The following ARHGAP28 variants were observed in gnomAD, a reference collection of about 807,000 sequenced individuals.
The protein encoded by ARHGAP28 is rho GTPase-activating protein 28.
A neutral mutation model predicts 90.7 loss-of-function variants in ARHGAP28; 56 were observed. That is an observed-to-expected ratio of 0.62 (90% CI 0.50 to 0.77). The LOEUF (loss-of-function observed/expected upper bound fraction) is 0.77. Among genes scored for constraint, ARHGAP28 ranks in the 30% least tolerant of loss-of-function variants. The pLI is 0.00. For synonymous variants in ARHGAP28, 308 were observed against 323.3 expected, an observed-to-expected ratio of 0.95 and a Z score of 0.51; for missense variants, 869 against 900.9, an observed-to-expected ratio of 0.96 and a Z score of 0.45.
intron 5 of ARHGAP28, 50 bp downstream of exon 5, chr18:6,859,947 C>A: frequency 1.4e-6 from 2 of 1,469,458 alleles, no homozygotes; most frequent in Non-Finnish European, 1.9e-6. Context: ...AGTTGCAAGT[C>A]AAAGCAACTA....
chr18:6,867,760 A>G (rs1454196466), intron 5 of ARHGAP28, among the ~76,000 whole-genome samples: 1 of 152,260 alleles, frequency 6.6e-6, no homozygotes, highest in Non-Finnish European at 1.5e-5. Flanking sequence ...ATTAATTAAC[A>G]AATGATATTA....
At chr18:6,804,349 A>G (rs548011235) in intron 1 of ARHGAP28, among the ~76,000 whole-genome samples, 1 of 152,292 alleles carries the variant, frequency 6.6e-6, no homozygotes, top group South Asian at 2.1e-4. Context: ...CCATCTGGAT[A>G]AAGGTTTATT....
intron 17 of ARHGAP28, among the ~76,000 whole-genome samples, chr18:6,910,769 A>G (rs2057392116): frequency 6.6e-6 from 1 of 152,028 alleles, no homozygotes; most frequent in Non-Finnish European, 1.5e-5. Flanking sequence ...CATTATTAAT[A>G]TGTGGTAAGT....
intron 2 of ARHGAP28, among the ~76,000 whole-genome samples, chr18:6,833,292 A>G (rs1431219611): frequency 2.0e-5 from 3 of 152,046 alleles, no homozygotes; most frequent in African/African-American, 7.2e-5. Context: ...TACTATTAAA[A>G]TTAATAATTA....
At chr18:6,864,079 T>G (rs1180612037) in intron 5 of ARHGAP28, among the ~76,000 whole-genome samples, 1 of 152,064 alleles carries the variant, frequency 6.6e-6, no homozygotes, top group Non-Finnish European at 1.5e-5. Flanking sequence ...TTTTATTTTA[T>G]TTTTGAGACG....
chr18:6,865,167 T>C (rs1272979981), intron 5 of ARHGAP28, among the ~76,000 whole-genome samples: 2 of 152,228 alleles, frequency 1.3e-5, no homozygotes, highest in African/African-American at 4.8e-5. Context: ...ATTTTAGTCA[T>C]TTGCATTAAA....
At chr18:6,888,888 A>G (rs910945427) in intron 12 of ARHGAP28, among the ~76,000 whole-genome samples, 1 of 152,200 alleles carries the variant, frequency 6.6e-6, no homozygotes, top group African/African-American at 2.4e-5. Context: ...TTAGAGGTCA[A>G]GAACTCTAGC....
chr18:6,789,814 CTTTTGTTTG>C (rs1235976957), intron 1 of ARHGAP28: 1 of 149,790 alleles, frequency 6.7e-6, no homozygotes, highest in African/African-American at 2.5e-5. Flanking sequence ...CAAATTGTTT[CTTTTGTTTG>C]TTTGTTTTTT....
At chr18:6,880,549 G>A (rs368200480) in intron 10 of ARHGAP28, among the ~76,000 whole-genome samples, 16 of 152,294 alleles carry the variant, frequency 1.1e-4, no homozygotes, top group East Asian at 3.9e-4. Flanking sequence ...TGCCTACAGC[G>A]TGAAGGCTAG....
At chr18:6,888,312 G>T (rs1330608942) in intron 12 of ARHGAP28, among the ~76,000 whole-genome samples, 1 of 152,146 alleles carries the variant, frequency 6.6e-6, no homozygotes, top group Non-Finnish European at 1.5e-5. Context: ...AGTACAACAG[G>T]TATTTGGAAT....
At chr18:6,905,040 G>A (rs1182378366) in intron 16 of ARHGAP28, among the ~76,000 whole-genome samples, 1 of 151,666 alleles carries the variant, frequency 6.6e-6, no homozygotes, top group South Asian at 2.1e-4. Flanking sequence ...ATAGAAGAAG[G>A]AGGAATGCTC....
At chr18:6,868,386 C>T in intron 6 of ARHGAP28, 152 bp downstream of exon 6, 1 of 645,838 alleles carries the variant, frequency 1.5e-6, no homozygotes, top group Non-Finnish European at 2.7e-6. Context: ...ACTCCTTCCA[C>T]CCAACTCCAA....
chr18:6,775,719 T>A (rs1406239657), intron 1 of ARHGAP28, among the ~76,000 whole-genome samples: 3 of 152,230 alleles, frequency 2.0e-5, no homozygotes, highest in African/African-American at 7.2e-5. Flanking sequence ...ATACTGAATT[T>A]GCATTATATT....
chr18:6,841,536 T>C (rs1473319410), intron 3 of ARHGAP28, among the ~76,000 whole-genome samples: 1 of 151,800 alleles, frequency 6.6e-6, no homozygotes, highest in East Asian at 1.9e-4. Flanking sequence ...CTTATATTTA[T>C]CTATAAATTC....
chr18:6,777,213 A>G (rs890337385), intron 1 of ARHGAP28, among the ~76,000 whole-genome samples: 16 of 152,186 alleles, frequency 1.1e-4, no homozygotes, highest in Non-Finnish European at 7.3e-5. Context: ...TTTGAGAGAT[A>G]TGTTTAAGGG....
At chr18:6,827,726 A>T (rs1294372133) in intron 2 of ARHGAP28, among the ~76,000 whole-genome samples, 1 of 150,060 alleles carries the variant, frequency 6.7e-6, no homozygotes, top group African/African-American at 2.5e-5. Flanking sequence ...TGCCGGGTGG[A>T]GGGGCTCCTC....
At position 6,747,662 on chromosome 18, in the gene ARHGAP28, G is replaced by T. The variant is rs551980717; in HGVS notation, c.122+17719G>T. Among the ~76,000 whole-genome samples, 3 of 152,310 alleles carry T rather than the reference G, an allele frequency of 2.0e-5. No homozygotes were observed. The South Asian group carries it at 6.2e-4, about 32-fold the overall frequency. ...AAAAAATTCTTTTAGTGCTCTTGAA[G>T]AGTTCATGCTTCCCCACAGAAAAAA... On this transcript the variant is annotated intron_variant, in intron 1 of 17. Transcript: ENST00000383472.
In ARHGAP28 at chr18:6,915,664, G is replaced by A. The variant is rs971530070; in HGVS notation, c.*3510G>A. 2.0e-5 allele frequency: 3 copies of A among 152,064 alleles called. No individual in the cohort carries two copies. The highest frequency in any genetic ancestry group is 7.3e-5 in the African/African-American group (3 of 41,370). 9.4% of individuals were successfully genotyped at this position (152,064 alleles called of 1,614,324 possible). A position where few individuals can be genotyped will look rare whatever the true frequency, so the allele number is the denominator to read the frequency against. Reference sequence around the variant, plus strand: ...TTCCATCAGCTTTCATTGTTAAGTAGAATATGTATGTTGCATTTTATCCAT... The same window carrying A: ...TTCCATCAGCTTTCATTGTTAAGTAAAATATGTATGTTGCATTTTATCCAT... On this transcript the variant is annotated 3_prime_UTR_variant, in exon 18 of 18. Coordinates refer to ENST00000383472, the MANE Select transcript of ARHGAP28 (RefSeq NM_001366230.1).
chr18:6,879,435 C>T (rs1265496802), intron 10 of ARHGAP28, among the ~76,000 whole-genome samples: 2 of 152,196 alleles, frequency 1.3e-5, no homozygotes, highest in African/African-American at 4.8e-5. Flanking sequence ...CAAGACTTCT[C>T]ATCCTTGCCT....
Sources: gnomAD v4.1 joint callset for allele counts (sites outside exome capture counted in the v4.1 genomes callset) on GRCh38, gnomAD v4.1.1 for gene constraint, MANE v1.5 for transcripts, NCBI Gene and HGNC (gene_info 2026-07-23, HGNC 2026-07-21) for gene names.